The following ADARB2 variants were observed in gnomAD, a reference collection of about 807,000 sequenced individuals.
The protein encoded by ADARB2 is inactive double-stranded RNA-specific editase B2.
ADARB2 carries 25 observed loss-of-function variants against 62.2 expected under a neutral mutation model. The observed-to-expected ratio is 0.40, with a 90% CI of 0.29 to 0.56. The LOEUF is 0.56. ADARB2 is among the 20% of genes least tolerant of loss of function. The probability of loss-of-function intolerance (pLI) is 0.43; values close to 1 mark genes in which losing one functional copy is unlikely to be tolerated. For synonymous variants in ADARB2, 572 were observed against 500.8 expected (o/e 1.14, Z -1.90); for missense variants, 1,071 against 1,077.4 (o/e 0.99, Z 0.08).
chr10:1,695,875 T>C (rs1834735741), intron 1 of ADARB2, among the ~76,000 whole-genome samples: 1 of 151,832 alleles, frequency 6.6e-6, no homozygotes, highest in Non-Finnish European at 1.5e-5. Flanking sequence ...CACACATGCA[T>C]GAGGACACAC....
chr10:1,489,337 A>G (rs1297243204), intron 1 of ADARB2, among the ~76,000 whole-genome samples: 1 of 148,838 alleles, frequency 6.7e-6, no homozygotes, highest in Non-Finnish European at 1.5e-5. Context: ...TCTGCACCGG[A>G]TGCACCTGAC....
intron 1 of ADARB2, among the ~76,000 whole-genome samples, chr10:1,623,351 G>A (rs1833730146): frequency 6.6e-6 from 1 of 152,198 alleles, no homozygotes; most frequent in Non-Finnish European, 1.5e-5. Context: ...CTATTGAATG[G>A]AAGCATGTCA....
intron 3 of ADARB2, among the ~76,000 whole-genome samples, chr10:1,297,667 GC>G (rs1322145148): frequency 2.0e-5 from 3 of 152,194 alleles, no homozygotes; most frequent in Non-Finnish European, 2.9e-5. Flanking sequence ...CATGACAGAT[GC>G]CCCTGCATGC....
intron 1 of ADARB2, among the ~76,000 whole-genome samples, chr10:1,444,345 T>C (rs58490353): frequency 0.098 from 531 of 5,396 alleles, 8 homozygotes; most frequent in African/African-American, 0.24. Flanking sequence ...AGCCATCCAC[T>C]CACCCATCCA....
chr10:1,234,620 T>A (rs538691265), intron 5 of ADARB2, among the ~76,000 whole-genome samples: 1 of 151,934 alleles, frequency 6.6e-6, no homozygotes, highest in Non-Finnish European at 1.5e-5. Flanking sequence ...TATTTACTTT[T>A]TTTTAGAGAC....
intron 3 of ADARB2, among the ~76,000 whole-genome samples, chr10:1,302,889 A>C (rs1314152728): frequency 5.9e-5 from 9 of 152,074 alleles, no homozygotes; most frequent in African/African-American, 2.2e-4. Context: ...CATCACCATC[A>C]TCAAAGACCA....
At chr10:1,549,686 T>TCCTCATTGTCACAGAGTA (rs1411714421) in intron 1 of ADARB2, among the ~76,000 whole-genome samples, 80 of 152,102 alleles carry the variant, frequency 5.3e-4, no homozygotes, top group Middle Eastern at 3.4e-3. Context: ...GTCACAGAGT[T>TCCTCATTGTCACAGAGTA]GGCCAAACCC....
intron 3 of ADARB2, among the ~76,000 whole-genome samples, chr10:1,351,397 C>T (rs11528602): frequency 0.82 from 122,981 of 150,604 alleles, 51,967 homozygotes; most frequent in East Asian, 0.93. Flanking sequence ...TAGGTATTGA[C>T]GGCCAGGCTT....
At chr10:1,460,045 T>C (rs1196489164) in intron 1 of ADARB2, among the ~76,000 whole-genome samples, 5 of 61,704 alleles carry the variant, frequency 8.1e-5, no homozygotes, top group Non-Finnish European at 1.2e-4. Context: ...TTTACCTGTG[T>C]AGCAAACCTG....
chr10:1,617,361 G>A (rs77170382), intron 1 of ADARB2, among the ~76,000 whole-genome samples: 1 of 71,426 alleles, frequency 1.4e-5, no homozygotes, highest in African/African-American at 5.3e-5. Flanking sequence ...TCAGAGGGCT[G>A]CATTCTGTCG....
At chr10:1,313,325 G>A (rs919325582) in intron 3 of ADARB2, among the ~76,000 whole-genome samples, 1 of 152,168 alleles carries the variant, frequency 6.6e-6, no homozygotes, top group Non-Finnish European at 1.5e-5. Context: ...CACTCCTTGG[G>A]CCTTCCACAG....
chr10:1,335,496 TAGA>T (rs1831965689), intron 3 of ADARB2, among the ~76,000 whole-genome samples: 1 of 133,226 alleles, frequency 7.5e-6, no homozygotes, highest in Non-Finnish European at 1.6e-5. Flanking sequence ...GGGGGAAGGG[TAGA>T]AGGACAGATG....
At chr10:1,276,190 A>G (rs959237108) in intron 3 of ADARB2, among the ~76,000 whole-genome samples, 1 of 152,102 alleles carries the variant, frequency 6.6e-6, no homozygotes, top group Admixed American at 6.5e-5. Context: ...CTTTTTAATG[A>G]TCACCATTCT....
intron 3 of ADARB2, among the ~76,000 whole-genome samples, chr10:1,322,867 C>G (rs540965672): frequency 6.6e-6 from 1 of 152,258 alleles, no homozygotes; most frequent in African/African-American, 2.4e-5. Flanking sequence ...TGTAATTGCT[C>G]TCTTTTTCAT....
At chr10:1,648,872 T>C (rs1168210756) in intron 1 of ADARB2, among the ~76,000 whole-genome samples, 2 of 152,130 alleles carry the variant, frequency 1.3e-5, no homozygotes, top group African/African-American at 2.4e-5. Flanking sequence ...AGTCTCTAGC[T>C]CCTCATCTTA....
intron 1 of ADARB2, among the ~76,000 whole-genome samples, chr10:1,512,143 G>GA (rs1364003107): frequency 1.3e-5 from 2 of 151,544 alleles, no homozygotes; most frequent in Non-Finnish European, 2.9e-5. Flanking sequence ...ACAAGACATC[G>GA]ATGCTGTCCA....
chr10:1,732,936 C>T (rs1835252312), intron 1 of ADARB2, among the ~76,000 whole-genome samples: 2 of 152,362 alleles, frequency 1.3e-5, no homozygotes, highest in Admixed American at 6.5e-5. Flanking sequence ...TCCACACCTT[C>T]CCATGAGTCA....
At chr10:1,256,898 G>A (rs1427291545) in intron 4 of ADARB2, among the ~76,000 whole-genome samples, 1 of 152,170 alleles carries the variant, frequency 6.6e-6, no homozygotes, top group African/African-American at 2.4e-5. Flanking sequence ...TCGATGAACG[G>A]TCTCTTCTCC....
intron 1 of ADARB2, among the ~76,000 whole-genome samples, chr10:1,523,935 C>A (rs1005093104): frequency 6.6e-6 from 1 of 152,156 alleles, no homozygotes; most frequent in Non-Finnish European, 1.5e-5. Context: ...TACTCAATAT[C>A]CACCCATGCA....
Sources: allele counts gnomAD v4.1 joint callset (sites outside exome capture counted in the v4.1 genomes callset), GRCh38; gene constraint gnomAD v4.1.1; transcripts MANE v1.5; gene names NCBI Gene and HGNC (gene_info 2026-07-23, HGNC 2026-07-21).